Variants in YTHDF1 observed in about 807,000 individuals in gnomAD.
YTHDF1 encodes the protein YTH N6-methyladenosine RNA binding protein F1.
A neutral mutation model predicts 49.1 loss-of-function variants in YTHDF1; 16 were observed. The ratio of observed to expected loss-of-function variants is 0.33; its 90% CI spans 0.22 to 0.49. The LOEUF (loss-of-function observed/expected upper bound fraction) is 0.49, where lower values mean the gene tolerates loss of function less well. YTHDF1 is among the 20% of genes least tolerant of loss of function. YTHDF1 has a pLI of 0.99. For synonymous variants in YTHDF1, 313 were observed against 290.1 expected (o/e 1.08, Z -0.80); for missense variants, 621 against 744.3 (o/e 0.83, Z 1.93).
rs1449311191 is a variant in YTHDF1, at chr20:63,196,507, A to G, written c.*201T>C. 2.0e-6 allele frequency: 1 copy of G among 507,512 alleles called. No homozygotes were observed. The highest frequency in any genetic ancestry group is 2.0e-5 in the African/African-American group (1 of 50,434). 31.4% of individuals were successfully genotyped at this position (507,512 alleles called of 1,614,324 possible). ...AAGCTGACAAAAAAAATACTCCTTT[A>G]TTAGTGACTTCTACAGGATTATAAT... is the stretch of plus-strand genomic sequence containing the variant. On this transcript the variant is annotated 3_prime_UTR_variant, in exon 5 of 5. Transcript: ENST00000370339.
At chr20:63,199,048 C>T (rs1276162376) in intron 4 of YTHDF1, among the ~76,000 whole-genome samples, 1 of 152,214 alleles carries the variant, frequency 6.6e-6, no homozygotes, top group Non-Finnish European at 1.5e-5. Context: ...AACTCTACTT[C>T]ACTTTCTCAA....
chr20:63,197,482 T>C (rs2066497421), intron 4 of YTHDF1, among the ~76,000 whole-genome samples: 1 of 152,160 alleles, frequency 6.6e-6, no homozygotes, highest in South Asian at 2.1e-4. Context: ...CACACTGGCC[T>C]CCCTGAGTAG....
intron 4 of YTHDF1, among the ~76,000 whole-genome samples, chr20:63,199,516 C>T (rs1186382697): frequency 7.6e-6 from 1 of 131,278 alleles, no homozygotes; most frequent in Non-Finnish European, 1.7e-5. Flanking sequence ...AAGATTCTGT[C>T]TTAAAAAAAA....
chr20:63,200,564 G>A (rs563799961), intron 4 of YTHDF1, among the ~76,000 whole-genome samples: 1 of 152,296 alleles, frequency 6.6e-6, no homozygotes, highest in South Asian at 2.1e-4. Context: ...AGCACCCAGT[G>A]GTTTGAGGAA....
Position 63,202,311 on chromosome 20 carries a change from C to T in YTHDF1, c.1629G>A (p.Gln543=), listed in dbSNP as rs774023093. The T allele has an allele frequency of 1.2e-6, 2 of 1,613,718 alleles. No homozygotes were observed. Among genetic ancestry groups the T allele is most frequent in the South Asian group, 2.2e-5 (2 of 91,080 alleles). ...FDDFAHYEKR[Q]EEEEVVRKER... ...CCTTGCGCACCACCTCCTCCTCCTCCTGGCGCTTCTCGTAGTGAGCAAAGT... is the reference window on the plus strand; with the variant it reads ...CCTTGCGCACCACCTCCTCCTCCTCTTGGCGCTTCTCGTAGTGAGCAAAGT... Residue 543 remains glutamine, a synonymous_variant, in exon 4 of 5, where the codon CAG becomes CAA. Coordinates refer to ENST00000370339, the MANE Select transcript of YTHDF1 (RefSeq NM_017798.4).
At position 63,216,046 on chromosome 20, in the gene YTHDF1, G is replaced by A; in HGVS notation, c.-154C>T. The stretch of plus-strand genomic sequence containing the variant: ...GCGGCGGCGGCTGCTGGGCGCGCGG[G>A]CCCCTGGCGAGGCGGCAGCGGCGGT... On this transcript the variant is annotated 5_prime_UTR_variant, in exon 1 of 5. Transcript: ENST00000370339. 3.7e-6 allele frequency: 2 copies of A among 537,868 alleles called. No homozygotes were observed. Among genetic ancestry groups the A allele is most frequent in the Non-Finnish European group, 4.7e-6 (2 of 422,082 alleles). The allele number at this position is 537,868 out of a possible 1,614,324, so 33.3% of individuals were successfully genotyped here.
intron 3 of YTHDF1, among the ~76,000 whole-genome samples, chr20:63,204,891 G>T (rs1305363718): frequency 3.3e-5 from 5 of 152,020 alleles, no homozygotes; most frequent in Non-Finnish European, 5.9e-5. Context: ...TTCGTGTGAG[G>T]TGTGTCTGTA....
intron 3 of YTHDF1, among the ~76,000 whole-genome samples, chr20:63,204,222 A>G (rs2066534090): frequency 6.6e-6 from 1 of 152,228 alleles, no homozygotes; most frequent in South Asian, 2.1e-4. Flanking sequence ...TAAGGCAGAG[A>G]TATTTCCATT....
At chr20:63,204,054 C>G (rs919330707) in intron 3 of YTHDF1, among the ~76,000 whole-genome samples, 2 of 152,206 alleles carry the variant, frequency 1.3e-5, no homozygotes, top group Admixed American at 6.5e-5. Context: ...TGAATTCAGG[C>G]TAAATGACGA....
intron 4 of YTHDF1, among the ~76,000 whole-genome samples, chr20:63,199,026 T>A (rs1374233765): frequency 2.6e-5 from 4 of 152,262 alleles, no homozygotes; most frequent in African/African-American, 9.6e-5. Flanking sequence ...GACAGCAATC[T>A]TGCAAAATGC....
In YTHDF1 at chr20:63,213,913, G is replaced by C. The variant is rs758269951; in HGVS notation, c.83C>G (p.Thr28Arg). 1 of 1,570,410 alleles carries C rather than the reference G, an allele frequency of 6.4e-7. No homozygotes were observed. Among genetic ancestry groups the C allele is most frequent in the East Asian group, 2.4e-5 (1 of 41,916 alleles). The change falls in exon 3 of 5, where the codon ACA becomes AGA. Residue 28 changes from threonine (T) to arginine (R), a missense_variant. Physicochemically the swap from Thr to Arg is moderately conservative, Grantham distance 71 (BLOSUM62 -1). Coordinates refer to ENST00000370339, the MANE Select transcript of YTHDF1 (RefSeq NM_017798.4). ...GGGCTCAAAGTCATTGTCATGAACT[G>C]TATCCTTCTGATGTAACGAACCATT... Reference protein sequence around the residue: ...VQNGSLHQKDTVHDNDFEPYL... With the variant: ...VQNGSLHQKDRVHDNDFEPYL...
intron 3 of YTHDF1, among the ~76,000 whole-genome samples, chr20:63,212,720 G>A (rs1408903232): frequency 6.6e-6 from 1 of 152,212 alleles, no homozygotes; most frequent in African/African-American, 2.4e-5. Context: ...AGAGAGAGCA[G>A]CTCCCAGTAG....
chr20:63,196,668 C>T lies in YTHDF1; in HGVS notation c.*40G>A. 6.2e-7 allele frequency: 1 copy of T among 1,612,944 alleles called. No individual in the cohort carries two copies. Among genetic ancestry groups the T allele is most frequent in the South Asian group, 1.1e-5 (1 of 90,926 alleles). The stretch of plus-strand genomic sequence containing the variant: ...AAGCACACGTGTTTTAAACTGTTTT[C>T]AAAGTCAAACGTTAGAACATGTAAG... On this transcript the variant is annotated 3_prime_UTR_variant, in exon 5 of 5. Coordinates refer to ENST00000370339, the MANE Select transcript of YTHDF1 (RefSeq NM_017798.4).
At chr20:63,202,258 T>C (rs368146065) in intron 4 of YTHDF1, 29 bp downstream of exon 4, 11 of 1,595,998 alleles carry the variant, frequency 6.9e-6, no homozygotes, top group African/African-American at 1.3e-5. Context: ...CACATCTGCA[T>C]GGCAGTTGCC....
At chr20:63,214,368 G>C (rs1323053994) in intron 2 of YTHDF1, among the ~76,000 whole-genome samples, 1 of 152,204 alleles carries the variant, frequency 6.6e-6, no homozygotes, top group Non-Finnish European at 1.5e-5. Flanking sequence ...TGCAACTGAA[G>C]GACTGTTGGG....
chr20:63,210,391 A>ACT lies in YTHDF1; in HGVS notation c.132+3471_132+3472dup, dbSNP rs145527212. 6.3e-3 allele frequency among the ~76,000 whole-genome samples: 966 copies of ACT among 152,236 alleles called. 7 individuals are homozygous for ACT. Among genetic ancestry groups the ACT allele is most frequent in the Middle Eastern group, 0.014 (4 of 294 alleles). On this transcript the variant is annotated intron_variant, in intron 3 of 4. Coordinates refer to ENST00000370339, the MANE Select transcript of YTHDF1 (RefSeq NM_017798.4). ...ATCATGCCAAGACAGTGTCTTCTAA[A>ACT]CTCTGAGTAGGAACTGTTCTGGGTC...
chr20:63,206,213 A>G (rs1456410087), intron 3 of YTHDF1, among the ~76,000 whole-genome samples: 1 of 152,222 alleles, frequency 6.6e-6, no homozygotes, highest in Non-Finnish European at 1.5e-5. Flanking sequence ...TCCACGCAAA[A>G]AGAGCAGATG....
At position 63,196,662 on chromosome 20, in the gene YTHDF1, T is replaced by C. The variant is rs761095073; in HGVS notation, c.*46A>G. The C allele has an allele frequency of 1.9e-6, 3 of 1,612,640 alleles. No individual in the cohort carries two copies. Among genetic ancestry groups the C allele is most frequent in the Admixed American group, 1.7e-5 (1 of 59,858 alleles). ...CTGACCAAGCACACGTGTTTTAAAC[T>C]GTTTTCAAAGTCAAACGTTAGAACA... On this transcript the variant is annotated 3_prime_UTR_variant, in exon 5 of 5. Coordinates refer to ENST00000370339, the MANE Select transcript of YTHDF1 (RefSeq NM_017798.4).
At chr20:63,211,367 A>T (rs1469290480) in intron 3 of YTHDF1, among the ~76,000 whole-genome samples, 3 of 152,112 alleles carry the variant, frequency 2.0e-5, no homozygotes, top group Non-Finnish European at 4.4e-5. Flanking sequence ...TGGGAGGTTG[A>T]GGTGGGAGAA....
Sources: allele counts gnomAD v4.1 joint callset (sites outside exome capture counted in the v4.1 genomes callset), GRCh38; gene constraint gnomAD v4.1.1; transcripts MANE v1.5; gene names NCBI Gene and HGNC (gene_info 2026-07-23, HGNC 2026-07-21).